PRKD1: variants seen among roughly 807,000 people sequenced by gnomAD.
PRKD1 encodes the protein serine/threonine-protein kinase D1.
Under a neutral mutation model 95.9 loss-of-function variants are expected in PRKD1, and 63 were observed. The observed-to-expected ratio is 0.66, with a 90% CI of 0.54 to 0.81. The LOEUF (loss-of-function observed/expected upper bound fraction) is 0.81, where lower values mean the gene tolerates loss of function less well. PRKD1 is among the 30% of genes least tolerant of loss of function. PRKD1 has a pLI of 0.00. For missense variants in PRKD1, 1,048 were observed against 1,165.3 expected, an observed-to-expected ratio of 0.90 and a Z score of 1.47; for synonymous variants, 425 against 423.1, an observed-to-expected ratio of 1.00 and a Z score of -0.05.
chr14:29,866,337 T>C (rs1455859066), intron 1 of PRKD1, among the ~76,000 whole-genome samples: 1 of 152,246 alleles, frequency 6.6e-6, no homozygotes, highest in East Asian at 1.9e-4. Context: ...ATTGGCTACG[T>C]ATTAGCATCA....
In PRKD1 at chr14:29,723,507, G is replaced by T. The variant is rs531418683; in HGVS notation, c.403+2029C>A. ...AGATAAGAGATATGGGTAAGAAACA[G>T]GGTTGTAATACAAAGGGGTGGGATG... On this transcript the variant is annotated intron_variant, in intron 2 of 17. Coordinates refer to ENST00000331968, the MANE Select transcript of PRKD1 (RefSeq NM_002742.3). Among the ~76,000 whole-genome samples the T allele has an allele frequency of 3.9e-5, 6 of 152,260 alleles. No homozygotes were observed. In the South Asian group the frequency reaches 1.2e-3, roughly 32 times the overall value.
rs8006264 is a variant in PRKD1 at position 29,894,047 on chromosome 14, A to G, written c.264+33202T>C. ...TTTATACATAGTCACACCACCTGCT[A>G]CAAAAGAAAAATTCAGTGAGAAATG... On this transcript the variant is annotated intron_variant, in intron 1 of 17. Coordinates refer to ENST00000331968, the MANE Select transcript of PRKD1 (RefSeq NM_002742.3). Among the ~76,000 whole-genome samples, 143 of 152,354 alleles carry G rather than the reference A, an allele frequency of 9.4e-4. 3 individuals carry two copies. The highest frequency in any genetic ancestry group is 3.3e-3 in the African/African-American group (138 of 41,570).
rs1049321308 is a variant in PRKD1 at position 29,643,769 on chromosome 14, C to T, written c.697-4865G>A. Among the ~76,000 whole-genome samples, 10 of 152,296 alleles carry T rather than the reference C, an allele frequency of 6.6e-5. No individual in the cohort carries two copies. The East Asian group carries it at 1.4e-3, about 21-fold the overall frequency. ...TTTACTTGTGGTTTGTTTATTGTCA[C>T]TTGCGTAAAAAATCAAACATAAAAT... On this transcript the variant is annotated intron_variant, in intron 4 of 17. Coordinates refer to ENST00000331968, the MANE Select transcript of PRKD1 (RefSeq NM_002742.3).
At chr14:29,793,846 T>C (rs1889684788) in intron 1 of PRKD1, among the ~76,000 whole-genome samples, 1 of 152,088 alleles carries the variant, frequency 6.6e-6, no homozygotes, top group Non-Finnish European at 1.5e-5. Flanking sequence ...AGGTGTGTCT[T>C]TGCACTAATG....
intron 1 of PRKD1, among the ~76,000 whole-genome samples, chr14:29,885,109 C>A (rs1190757941): frequency 7.3e-6 from 1 of 136,982 alleles, no homozygotes; most frequent in Non-Finnish European, 1.5e-5. Context: ...GGCAACAGAG[C>A]GAGACTCCAT....
At chr14:29,828,187 AT>A (rs1166151649) in intron 1 of PRKD1, among the ~76,000 whole-genome samples, 1 of 152,158 alleles carries the variant, frequency 6.6e-6, no homozygotes, top group Non-Finnish European at 1.5e-5. Context: ...AAATAGGTTA[AT>A]TTTGGCTCAT....
chr14:29,588,117 T>C (rs1300951385), intron 16 of PRKD1, among the ~76,000 whole-genome samples: 1 of 152,206 alleles, frequency 6.6e-6, no homozygotes, highest in Non-Finnish European at 1.5e-5. Context: ...ACAGTTTAAT[T>C]ATTAAAATGA....
intron 1 of PRKD1, among the ~76,000 whole-genome samples, chr14:29,752,591 A>G (rs1887529134): frequency 6.6e-6 from 1 of 151,004 alleles, no homozygotes; most frequent in Non-Finnish European, 1.5e-5. Context: ...ATATATATAT[A>G]ATTTCTGAAA....
chr14:29,903,166 T>C (rs1894377908), intron 1 of PRKD1, among the ~76,000 whole-genome samples: 1 of 152,178 alleles, frequency 6.6e-6, no homozygotes, highest in South Asian at 2.1e-4. Flanking sequence ...ACAGAGAATT[T>C]TCCCCCAGGT....
chr14:29,783,632 C>G (rs751150011), intron 1 of PRKD1, among the ~76,000 whole-genome samples: 9 of 152,144 alleles, frequency 5.9e-5, no homozygotes, highest in Non-Finnish European at 1.3e-4. Context: ...TACAAGAGTT[C>G]CCTTTTCTCC....
chr14:29,740,221 T>C (rs1483588740), intron 1 of PRKD1, among the ~76,000 whole-genome samples: 1 of 152,186 alleles, frequency 6.6e-6, no homozygotes, highest in Non-Finnish European at 1.5e-5. Flanking sequence ...TTTGTCTCAC[T>C]CTGAATAAAA....
At chr14:29,914,579 C>T (rs1261922405) in intron 1 of PRKD1, among the ~76,000 whole-genome samples, 2 of 152,068 alleles carry the variant, frequency 1.3e-5, no homozygotes, top group East Asian at 3.9e-4. Context: ...ACAAAAAATA[C>T]AAAAATTAGC....
At chr14:29,854,862 C>G (rs1310298617) in intron 1 of PRKD1, among the ~76,000 whole-genome samples, 1 of 152,190 alleles carries the variant, frequency 6.6e-6, no homozygotes, top group African/African-American at 2.4e-5. Flanking sequence ...AAGGGGCCAA[C>G]AGGGAGCTTG....
chr14:29,890,959 A>T (rs1233891768), intron 1 of PRKD1, among the ~76,000 whole-genome samples: 2 of 152,192 alleles, frequency 1.3e-5, no homozygotes, highest in East Asian at 3.9e-4. Flanking sequence ...TCTTGTGATC[A>T]GTTTTATTTG....
intron 2 of PRKD1, among the ~76,000 whole-genome samples, chr14:29,671,076 GA>G (rs45542346): frequency 0.026 from 3,888 of 150,530 alleles, 140 homozygotes; most frequent in African/African-American, 0.079. Context: ...AGCCAAGAGA[GA>G]AAAAAAAATG....
rs1262209806 is a variant in PRKD1 at position 29,864,931 on chromosome 14, T to C, written c.264+62318A>G. Among the ~76,000 whole-genome samples, 3 of 152,290 alleles carry C rather than the reference T, an allele frequency of 2.0e-5. No individual in the cohort carries two copies. In the East Asian group the frequency reaches 5.8e-4, roughly 29 times the overall value. On this transcript the variant is annotated intron_variant, in intron 1 of 17. Coordinates refer to ENST00000331968, the MANE Select transcript of PRKD1 (RefSeq NM_002742.3). Reference sequence around the variant, plus strand: ...TTTAAGCCACATGCTCAAATAATTGTATCAGGTTTTCCCCCCAAATAGCTG... The same window carrying C: ...TTTAAGCCACATGCTCAAATAATTGCATCAGGTTTTCCCCCCAAATAGCTG...
At chr14:29,919,273 C>T (rs547757791) in intron 1 of PRKD1, among the ~76,000 whole-genome samples, 1 of 152,278 alleles carries the variant, frequency 6.6e-6, no homozygotes, top group African/African-American at 2.4e-5. Context: ...CCTTTCATAA[C>T]TTTGGAAGAA....
chr14:29,868,736 A>G (rs1225541627), intron 1 of PRKD1, among the ~76,000 whole-genome samples: 1 of 152,198 alleles, frequency 6.6e-6, no homozygotes, highest in African/African-American at 2.4e-5. Flanking sequence ...TTGATAGATT[A>G]TTAGCATATA....
At chr14:29,761,219 T>C (rs1434063556) in intron 1 of PRKD1, among the ~76,000 whole-genome samples, 1 of 152,224 alleles carries the variant, frequency 6.6e-6, no homozygotes, top group Non-Finnish European at 1.5e-5. Flanking sequence ...TTGATAAAGA[T>C]AGTTTAAATT....
Sources: gnomAD v4.1 joint callset for allele counts (sites outside exome capture counted in the v4.1 genomes callset) on GRCh38, gnomAD v4.1.1 for gene constraint, MANE v1.5 for transcripts, NCBI Gene and HGNC (gene_info 2026-07-23, HGNC 2026-07-21) for gene names.